The following POLG variants were observed in gnomAD, a reference collection of about 807,000 sequenced individuals.
The protein encoded by POLG is DNA polymerase subunit gamma-1.
Under a neutral mutation model 155.4 loss-of-function variants are expected in POLG, and 110 were observed. The ratio of observed to expected loss-of-function variants is 0.71; its 90% CI spans 0.61 to 0.83. The LOEUF is 0.83. Among genes scored for constraint, POLG ranks in the 40% least tolerant of loss-of-function variants. The probability of loss-of-function intolerance (pLI) is 0.00; values close to 1 mark genes in which losing one functional copy is unlikely to be tolerated. For synonymous variants in POLG, 701 were observed against 631.5 expected (o/e 1.11, Z -1.65); for missense variants, 1,685 against 1,627.5 (o/e 1.04, Z -0.61).
rs999643917 is a variant in POLG at position 89,333,718 on chromosome 15, T to C, written c.37A>G (p.Thr13Ala). ...RLLWRKVAGA[T>A]VGPGPVPAPG... ...GCTGGAACCGGCCCTGGCCCGACGGTGGCGCCGGCCACCTTCCTCCAGAGC... is the reference window on the plus strand; with the variant it reads ...GCTGGAACCGGCCCTGGCCCGACGGCGGCGCCGGCCACCTTCCTCCAGAGC... Residue 13 changes from threonine (T) to alanine (A), a missense_variant, in exon 2 of 23, where the codon ACC (threonine) becomes GCC (alanine). By Grantham distance (58) the Thr-to-Ala change is moderately conservative. Around this residue, in one of 3 missense-constraint regions of POLG, gnomAD observed 1,210 missense variants for 1,167.1 expected, o/e 1.04. Coordinates refer to ENST00000268124, the MANE Select transcript of POLG (RefSeq NM_002693.3). The C allele has an allele frequency of 3.3e-6, 5 of 1,536,454 alleles. No homozygotes were observed. The African/African-American group carries it at 6.8e-5, about 21-fold the overall frequency.
At position 89,318,769 on chromosome 15, in the gene POLG, AGAGGT is replaced by A. The variant is rs2055347022; in HGVS notation, c.3274-25_3274-21del. ...CATAAACTGGGAAGGGAAGGTGGGC[AGAGGT>A]GAAAGGGGCTATGCTACATACCAAT... is the stretch of plus-strand genomic sequence containing the variant. On this transcript the variant is annotated intron_variant, in intron 20 of 22. Transcript: ENST00000268124. 2 of 1,606,374 alleles carry A rather than the reference AGAGGT, an allele frequency of 1.2e-6. No individual in the cohort carries two copies. Among genetic ancestry groups the A allele is most frequent in the East Asian group, 4.5e-5 (2 of 44,854 alleles).
At position 89,325,181 on chromosome 15, in the gene POLG, AGTG is replaced by A. The variant is rs1567189721; in HGVS notation, c.1949+266_1949+268del. Among the ~76,000 whole-genome samples, 10 of 90,386 alleles carry A rather than the reference AGTG, an allele frequency of 1.1e-4. 1 individual carries two copies. The highest frequency in any genetic ancestry group is 3.7e-4 in the South Asian group (1 of 2,706). 59.3% of individuals were successfully genotyped at this position (90,386 alleles called of 152,430 possible). On this transcript the variant is annotated intron_variant, in intron 10 of 22. Transcript: ENST00000268124. ...GAGTGAGTGAGTGAGAGAGTGAGAG[AGTG>A]AGTGAGTGAGAGAGTGAGTGAGAGA... is the stretch of plus-strand genomic sequence containing the variant.
intron 7 of POLG, 41 bp from the exon 8 acceptor site, chr15:89,327,104 G>A (rs545659998): frequency 8.5e-5 from 137 of 1,614,004 alleles, no homozygotes; most frequent in Middle Eastern, 5.0e-4. Flanking sequence ...AGGCTAAGCC[G>A]AAGGCTAGGC....
In POLG at chr15:89,316,492, C is replaced by T; in HGVS notation, c.*259G>A. The T allele has an allele frequency of 1.3e-6, 2 of 1,584,370 alleles. No individual in the cohort carries two copies. The highest frequency in any genetic ancestry group is 1.7e-6 in the Non-Finnish European group (2 of 1,161,590). On this transcript the variant is annotated 3_prime_UTR_variant, in exon 23 of 23. Coordinates refer to ENST00000268124, the MANE Select transcript of POLG (RefSeq NM_002693.3). ...GCCTGAGTTAATGTGAACTTTGGGG[C>T]TTCTGCTTCATTTTTACCCAACAAG...
intron 21 of POLG, 50 bp downstream of exon 21, chr15:89,318,491 G>A: frequency 6.6e-7 from 1 of 1,517,884 alleles, no homozygotes; most frequent in African/African-American, 1.4e-5. Context: ...CTCACCCAAA[G>A]CCCCACATAG....
intron 13 of POLG, 59 bp from the exon 14 acceptor site, chr15:89,322,961 C>A: frequency 6.5e-7 from 1 of 1,538,878 alleles, no homozygotes; most frequent in East Asian, 2.2e-5. Flanking sequence ...GGGTGGGGAA[C>A]CAACGTGAGT....
chr15:89,322,950 T>C (rs759994986), intron 13 of POLG, 48 bp from the exon 14 acceptor site: 1 of 1,595,908 alleles, frequency 6.3e-7, no homozygotes, highest in Non-Finnish European at 8.6e-7. Context: ...GGCAGACCCC[T>C]GGGTGGGGAA....
At chr15:89,316,896 A>T (rs949675645) in intron 22 of POLG, 69 bp from the exon 23 acceptor site, 28 of 1,121,282 alleles carry the variant, frequency 2.5e-5, no homozygotes, top group Non-Finnish European at 3.7e-5. Flanking sequence ...GAAGTGAGCA[A>T]AGGAGCTTAA....
At chr15:89,332,178 GA>G (rs1362865222) in intron 2 of POLG, 1 of 152,286 alleles carries the variant, frequency 6.6e-6, no homozygotes, top group East Asian at 1.9e-4. Flanking sequence ...AATCAATGCA[GA>G]ATCATCTAGT....
At chr15:89,320,185 T>G (rs2055373926) in intron 18 of POLG, among the ~76,000 whole-genome samples, 1 of 152,206 alleles carries the variant, frequency 6.6e-6, no homozygotes, top group African/African-American at 2.4e-5. Flanking sequence ...GCCAGCTAAT[T>G]AAATGTGGAC....
Position 89,330,113 on chromosome 15 carries a change from G to A in POLG, c.823C>T (p.Arg275Ter), listed in dbSNP as rs1057517803. ...AGGTACTGCTCCCTGATATGAGCTCGGTCAAAGGAAACATTGTGCCCCACC... is the reference window on the plus strand; with the variant it reads ...AGGTACTGCTCCCTGATATGAGCTCAGTCAAAGGAAACATTGTGCCCCACC... ...LVVGHNVSFD[R>*]AHIREQYLIQ... Residue 275 changes from arginine (R) to a stop codon, truncating the protein, a stop_gained, in exon 3 of 23, where the codon CGA becomes TGA. Coordinates refer to ENST00000268124, the MANE Select transcript of POLG (RefSeq NM_002693.3). LOFTEE classifies it high-confidence loss of function. 5 of 1,613,966 alleles carry A rather than the reference G, an allele frequency of 3.1e-6. No homozygotes were observed. The highest frequency in any genetic ancestry group is 1.3e-5 in the African/African-American group (1 of 74,902).
Position 89,317,468 on chromosome 15 carries a change from T to C in POLG, c.3551A>G (p.Asp1184Gly), listed in dbSNP as rs376761578. 3 of 1,613,988 alleles carry C rather than the reference T, an allele frequency of 1.9e-6. No homozygotes were observed. Among genetic ancestry groups the C allele is most frequent in the African/African-American group, 1.3e-5 (1 of 74,898 alleles). The change falls in exon 22 of 23, where the codon GAT becomes GGT. Residue 1184 changes from aspartate (D) to glycine (G), a missense_variant. Around this residue, in one of 3 missense-constraint regions of POLG, gnomAD observed 470 missense variants for 439.9 expected, o/e 1.07. Coordinates refer to ENST00000268124, the MANE Select transcript of POLG (RefSeq NM_002693.3). ...TTCCTTCCTGAGGCACCGGTCAATA[T>C]CGACTGCACTGAAAAAGGCGACTGA... ...PQSVAFFSAV[D>G]IDRCLRKEVT...
At position 89,323,524 on chromosome 15, in the gene POLG, C is replaced by T. The variant is rs763930501; in HGVS notation, c.2158-13G>A. 7.8e-6 allele frequency: 12 copies of T among 1,532,874 alleles called. No homozygotes were observed. The African/African-American group carries it at 1.5e-4, about 19-fold the overall frequency. 95.0% of individuals were successfully genotyped at this position (1,532,874 alleles called of 1,614,324 possible). On this transcript the variant is annotated splice_polypyrimidine_tract_variant and intron_variant, in intron 12 of 22. Transcript: ENST00000268124. ...CACCACGGGCAGTCTGTGAGGGCCA[C>T]ACACCTATATCAGGCCCTGCTCCAG...
Position 89,334,240 on chromosome 15 carries a change from T to C in POLG, c.-159-327A>G, listed in dbSNP as rs547106431. 6 of 195,270 alleles carry C rather than the reference T, an allele frequency of 3.1e-5. No homozygotes were observed. The East Asian group carries it at 7.5e-4, about 24-fold the overall frequency. 12.1% of individuals were successfully genotyped at this position (195,270 alleles called of 1,614,324 possible). On this transcript the variant is annotated intron_variant, in intron 1 of 22. Coordinates refer to ENST00000268124, the MANE Select transcript of POLG (RefSeq NM_002693.3). ...GGGCAAAGCTCCTTAGGCCCTGATATCCTATTCTGTAAAATGGGATTACGG... is the reference window on the plus strand; with the variant it reads ...GGGCAAAGCTCCTTAGGCCCTGATACCCTATTCTGTAAAATGGGATTACGG...
At position 89,316,770 on chromosome 15, in the gene POLG, C is replaced by T. The variant is rs750792237; in HGVS notation, c.3701G>A (p.Arg1234Gln). 22 of 1,613,618 alleles carry T rather than the reference C, an allele frequency of 1.4e-5. No homozygotes were observed. Among genetic ancestry groups the T allele is most frequent in the African/African-American group, 1.1e-4 (8 of 74,912 alleles). Residue 1234 changes from arginine to glutamine, a missense_variant, in exon 23 of 23, where the codon CGA becomes CAA. This residue lies in a region of POLG where 470 missense variants were observed against 439.9 expected (regional missense o/e 1.07). Transcript: ENST00000268124. Reference protein sequence around the residue: ...IELTKGSLEKRSQPGP With the variant: ...IELTKGSLEKQSQPGP Reference sequence around the variant, plus strand: ...GCAGTGCTATGGTCCAGGCTGGCTTCGTTTTTCCAAGGAGCCTTTGGTGAG... The same window carrying T: ...GCAGTGCTATGGTCCAGGCTGGCTTTGTTTTTCCAAGGAGCCTTTGGTGAG...
rs2055452833 is a variant in POLG at position 89,325,037 on chromosome 15, A to AGAGTGAGTGAGTGAGAGAGTGAGT, written c.1949+412_1949+413insACTCACTCTCTCACTCACTCACTC. ...CATGGAAGAAAAAACCTGAACCCAGAGAGTGAGTGAGTGAGTGAGAGAGTG... is the reference window on the plus strand; with the variant it reads ...CATGGAAGAAAAAACCTGAACCCAGAGAGTGAGTGAGTGAGAGAGTGAGTGAGTGAGTGAGTGAGTGAGAGAGTG... On this transcript the variant is annotated intron_variant, in intron 10 of 22. Coordinates refer to ENST00000268124, the MANE Select transcript of POLG (RefSeq NM_002693.3). Among the ~76,000 whole-genome samples, 2 of 70,792 alleles carry AGAGTGAGTGAGTGAGAGAGTGAGT rather than the reference A, an allele frequency of 2.8e-5. 1 individual carries two copies. Among genetic ancestry groups the AGAGTGAGTGAGTGAGAGAGTGAGT allele is most frequent in the Non-Finnish European group, 6.2e-5 (2 of 32,278 alleles). 46.4% of individuals were successfully genotyped at this position (70,792 alleles called of 152,430 possible). A position where few individuals can be genotyped will look rare whatever the true frequency, so the allele number is the denominator to read the frequency against.
At position 89,319,322 on chromosome 15, in the gene POLG, G is replaced by A. The variant is rs1160845632; in HGVS notation, c.3010C>T (p.Leu1004=). 3.7e-6 allele frequency: 6 copies of A among 1,613,964 alleles called. No individual in the cohort carries two copies. Among genetic ancestry groups the A allele is most frequent in the Non-Finnish European group, 4.2e-6 (5 of 1,180,008 alleles). The stretch of plus-strand genomic sequence containing the variant: ...ACTGGGAGGTTCAACTCCCTCACCA[G>A]CCACTCGCCCTCATCCGACAGCCGA... ...WYRLSDEGEW[L]VRELNLPVDR... The change falls in exon 19 of 23, where the codon CTG becomes TTG. Residue 1004 remains leucine (L), a synonymous_variant. Coordinates refer to ENST00000268124, the MANE Select transcript of POLG (RefSeq NM_002693.3).
At chr15:89,325,096 G>A (rs1460494205) in intron 10 of POLG, among the ~76,000 whole-genome samples, 83 of 86,818 alleles carry the variant, frequency 9.6e-4, no homozygotes, top group East Asian at 1.8e-3. Context: ...GAGTGAGTGA[G>A]TGAGAGAGTG....
intron 22 of POLG, 111 bp downstream of exon 22, chr15:89,317,265 C>G: frequency 3.4e-6 from 3 of 892,298 alleles, no homozygotes; most frequent in African/African-American, 1.6e-5. Context: ...TAGAATATAG[C>G]CTGAGTCAAG....
Sources: allele counts gnomAD v4.1 joint callset (sites outside exome capture counted in the v4.1 genomes callset), GRCh38; gene constraint gnomAD v4.1.1; regional missense constraint gnomAD v4.1.1; transcripts MANE v1.5; gene names NCBI Gene and HGNC (gene_info 2026-07-23, HGNC 2026-07-21).